The following SLC35F3 variants were observed in gnomAD, a reference collection of about 807,000 sequenced individuals.
The protein encoded by SLC35F3 is solute carrier family 35 member F3.
In SLC35F3, 25 loss-of-function variants were observed where a neutral mutation model predicts 49.9. The ratio of observed to expected loss-of-function variants is 0.50; its 90% CI spans 0.37 to 0.70. The LOEUF is 0.70. Among genes scored for constraint, SLC35F3 ranks in the 30% least tolerant of loss-of-function variants. The pLI is 0.00. For missense variants in SLC35F3, 525 were observed against 639.8 expected, an observed-to-expected ratio of 0.82 and a Z score of 1.94; for synonymous variants, 275 against 265.4, an observed-to-expected ratio of 1.04 and a Z score of -0.35.
chr1:233,908,595 G>C (rs1661814402), intron 2 of SLC35F3, among the ~76,000 whole-genome samples: 1 of 137,948 alleles, frequency 7.2e-6, no homozygotes, highest in Admixed American at 7.8e-5. Flanking sequence ...AGGCTGGAGT[G>C]CAATGGTGCA....
At chr1:234,048,957 C>T (rs909628002) in intron 2 of SLC35F3, among the ~76,000 whole-genome samples, 1 of 152,062 alleles carries the variant, frequency 6.6e-6, no homozygotes, top group African/African-American at 2.4e-5. Context: ...GCATTTTTGA[C>T]ACACATAAAC....
chr1:234,011,565 A>G (rs936963504), intron 2 of SLC35F3, among the ~76,000 whole-genome samples: 3 of 152,072 alleles, frequency 2.0e-5, no homozygotes, highest in African/African-American at 7.2e-5. Context: ...GCACACACAC[A>G]CCCAGACTCA....
chr1:234,198,672 A>G (rs770780443), intron 2 of SLC35F3, among the ~76,000 whole-genome samples: 1 of 152,204 alleles, frequency 6.6e-6, no homozygotes, highest in Non-Finnish European at 1.5e-5. Flanking sequence ...TATGGGGTAC[A>G]ATGTGATGTT....
intron 3 of SLC35F3, among the ~76,000 whole-genome samples, chr1:234,275,864 G>A (rs1338083706): frequency 1.3e-5 from 2 of 151,806 alleles, no homozygotes; most frequent in African/African-American, 4.8e-5. Context: ...TAAGCACTGT[G>A]CACATATTAA....
At chr1:234,134,425 C>T (rs981894951) in intron 2 of SLC35F3, among the ~76,000 whole-genome samples, 2 of 147,608 alleles carry the variant, frequency 1.4e-5, no homozygotes, top group Admixed American at 6.8e-5. Flanking sequence ...AATGTATATT[C>T]GTGTAAATTA....
intron 2 of SLC35F3, among the ~76,000 whole-genome samples, chr1:234,219,072 A>T (rs1325044875): frequency 6.6e-6 from 1 of 151,154 alleles, no homozygotes; most frequent in Non-Finnish European, 1.5e-5. Flanking sequence ...AAAAAAAAAA[A>T]AAAAGCTCCC....
At chr1:234,149,279 A>G (rs1162696819) in intron 2 of SLC35F3, among the ~76,000 whole-genome samples, 1 of 152,242 alleles carries the variant, frequency 6.6e-6, no homozygotes. Context: ...AACATGAGGT[A>G]GGAAATTAGA....
At chr1:234,055,374 G>T (rs1416305950) in intron 2 of SLC35F3, among the ~76,000 whole-genome samples, 1 of 152,166 alleles carries the variant, frequency 6.6e-6, no homozygotes, top group Non-Finnish European at 1.5e-5. Flanking sequence ...CCCTCTCCCA[G>T]ACTTGCTGCC....
At chr1:234,007,550 A>G (rs1558203732) in intron 2 of SLC35F3, among the ~76,000 whole-genome samples, 1 of 152,322 alleles carries the variant, frequency 6.6e-6, no homozygotes, top group African/African-American at 2.4e-5. Context: ...TGCCGAACGA[A>G]GTGGGGAGCT....
Position 234,022,131 on chromosome 1 carries a change from C to G in SLC35F3, c.283+116373C>G, listed in dbSNP as rs531698361. Among the ~76,000 whole-genome samples the G allele has an allele frequency of 1.3e-4, 20 of 152,268 alleles. No individual in the cohort carries two copies. In the South Asian group the frequency reaches 4.1e-3, roughly 32 times the overall value. ...ACATTTATTAATACAGGGTCTTCTTCCTGGTTGAGATGATCACATGTCAGG... is the reference window on the plus strand; with the variant it reads ...ACATTTATTAATACAGGGTCTTCTTGCTGGTTGAGATGATCACATGTCAGG... On this transcript the variant is annotated intron_variant, in intron 2 of 7. Transcript: ENST00000366618.
At chr1:234,092,947 C>G (rs1266336616) in intron 2 of SLC35F3, among the ~76,000 whole-genome samples, 1 of 152,164 alleles carries the variant, frequency 6.6e-6, no homozygotes, top group Non-Finnish European at 1.5e-5. Flanking sequence ...ACTCTCCAGT[C>G]GGCTGAGTCT....
intron 2 of SLC35F3, among the ~76,000 whole-genome samples, chr1:234,025,237 GATTCCAT>G (rs1326003078): frequency 2.6e-5 from 4 of 152,228 alleles, no homozygotes; most frequent in Non-Finnish European, 5.9e-5. Flanking sequence ...CATCTAGGTT[GATTCCAT>G]GTCTTTGTTA....
At chr1:234,205,331 G>T (rs966306865) in intron 2 of SLC35F3, among the ~76,000 whole-genome samples, 3 of 152,200 alleles carry the variant, frequency 2.0e-5, no homozygotes, top group Non-Finnish European at 2.9e-5. Context: ...GAACAGAATG[G>T]CTTCTTTCGG....
At chr1:234,108,701 A>C (rs1241021013) in intron 2 of SLC35F3, among the ~76,000 whole-genome samples, 13 of 104,460 alleles carry the variant, frequency 1.2e-4, no homozygotes, top group African/African-American at 3.6e-4. Flanking sequence ...TAAAATATAT[A>C]TTATATATAT....
chr1:233,909,354 A>G (rs1661831718), intron 2 of SLC35F3, among the ~76,000 whole-genome samples: 2 of 152,168 alleles, frequency 1.3e-5, no homozygotes, highest in South Asian at 4.1e-4. Context: ...GAATTCTTCA[A>G]ATTATCATCT....
intron 2 of SLC35F3, among the ~76,000 whole-genome samples, chr1:234,174,656 A>C (rs1297530205): frequency 1.3e-5 from 2 of 152,252 alleles, no homozygotes; most frequent in Non-Finnish European, 2.9e-5. Flanking sequence ...CTGTGTGTGC[A>C]TAAACACACT....
At chr1:234,298,341 C>G (rs1488676750) in intron 3 of SLC35F3, among the ~76,000 whole-genome samples, 1 of 152,084 alleles carries the variant, frequency 6.6e-6, no homozygotes, top group Non-Finnish European at 1.5e-5. Flanking sequence ...AGATCTTCCC[C>G]CATATTTACC....
Position 233,905,738 on chromosome 1 carries a change from C to T in SLC35F3, c.263C>T (p.Pro88Leu), listed in dbSNP as rs1383808607. The T allele has an allele frequency of 1.2e-6, 2 of 1,612,428 alleles. No individual in the cohort carries two copies. The highest frequency in any genetic ancestry group is 1.7e-6 in the Non-Finnish European group (2 of 1,178,776). Residue 88 changes from proline to leucine, a missense_variant, in exon 2 of 8, where the codon CCC (proline) becomes CTC (leucine). By Grantham distance (98) the Pro-to-Leu change is moderately conservative (BLOSUM62 -3). Around this residue, in one of 4 missense-constraint regions of SLC35F3, gnomAD observed 228 missense variants for 218.9 expected, o/e 1.04. Coordinates refer to ENST00000366618, the MANE Select transcript of SLC35F3 (RefSeq NM_173508.4). ...LRITGYYGYQ[P>L]WAASCKREER... is the part of the protein sequence containing the mutation. ...ATCACTGGCTACTATGGCTACCAGCCCTGGGCAGCGAGCTGCAAAAGTAAG... is the reference window on the plus strand; with the variant it reads ...ATCACTGGCTACTATGGCTACCAGCTCTGGGCAGCGAGCTGCAAAAGTAAG...
intron 2 of SLC35F3, among the ~76,000 whole-genome samples, chr1:233,926,957 A>G (rs1010786101): frequency 6.6e-6 from 1 of 152,176 alleles, no homozygotes; most frequent in Non-Finnish European, 1.5e-5. Context: ...ACTGGGTATC[A>G]CCAGCGGAGG....
Sources: allele counts gnomAD v4.1 joint callset (sites outside exome capture counted in the v4.1 genomes callset), GRCh38; gene constraint gnomAD v4.1.1; regional missense constraint gnomAD v4.1.1; transcripts MANE v1.5; gene names NCBI Gene and HGNC (gene_info 2026-07-23, HGNC 2026-07-21).